EPHA3: variants seen among roughly 807,000 people sequenced by gnomAD.
The protein encoded by EPHA3 is EPH receptor A3.
A neutral mutation model predicts 107.1 loss-of-function variants in EPHA3; 42 were observed. The observed-to-expected ratio is 0.39, with a 90% CI of 0.31 to 0.51. The LOEUF (loss-of-function observed/expected upper bound fraction) is 0.51, where lower values mean the gene tolerates loss of function less well. Ranked by LOEUF, EPHA3 falls within the 20% of genes least tolerant of loss-of-function variation. The pLI, the probability that EPHA3 is intolerant of heterozygous loss-of-function variation, is 0.78. For missense variants in EPHA3, 1,183 were observed against 1,211.2 expected, an observed-to-expected ratio of 0.98 and a Z score of 0.35; for synonymous variants, 461 against 424.8, an observed-to-expected ratio of 1.09 and a Z score of -1.05.
chr3:89,282,793 G>A (rs1705981538), intron 3 of EPHA3, among the ~76,000 whole-genome samples: 1 of 152,008 alleles, frequency 6.6e-6, no homozygotes, highest in South Asian at 2.1e-4. Flanking sequence ...GAAATAAACA[G>A]TCTCCTGCAC....
At chr3:89,423,462 C>T (rs1397239299) in intron 11 of EPHA3, among the ~76,000 whole-genome samples, 1 of 151,296 alleles carries the variant, frequency 6.6e-6, no homozygotes, top group Non-Finnish European at 1.5e-5. Flanking sequence ...CTTAAGTGTA[C>T]TACACTTCAT....
At chr3:89,298,822 CAAATT>C (rs376696707) in intron 3 of EPHA3, among the ~76,000 whole-genome samples, 7 of 151,836 alleles carry the variant, frequency 4.6e-5, no homozygotes, top group African/African-American at 1.4e-4. Context: ...GATTAACTGT[CAAATT>C]AAAGATGGTA....
At chr3:89,246,244 G>A (rs1036182426) in intron 3 of EPHA3, among the ~76,000 whole-genome samples, 1 of 152,080 alleles carries the variant, frequency 6.6e-6, no homozygotes, top group Non-Finnish European at 1.5e-5. Flanking sequence ...ATGGAAACTT[G>A]AAGTTTATAT....
In EPHA3 at chr3:89,174,586, C is replaced by A. The variant is rs183739868; in HGVS notation, c.154-35274C>A. 5.6e-3 allele frequency among the ~76,000 whole-genome samples: 799 copies of A among 142,774 alleles called. 3 individuals are homozygous for A. The highest frequency in any genetic ancestry group is 0.016 in the Middle Eastern group (4 of 246). 93.7% of individuals were successfully genotyped at this position (142,774 alleles called of 152,430 possible). Reference sequence around the variant, plus strand: ...TATTTACCCTATATTCTAGCAAGTTCATCATTTTTTTAAGAATCCCTGTCT... The same window carrying A: ...TATTTACCCTATATTCTAGCAAGTTAATCATTTTTTTAAGAATCCCTGTCT... On this transcript the variant is annotated intron_variant, in intron 2 of 16. Coordinates refer to ENST00000336596, the MANE Select transcript of EPHA3 (RefSeq NM_005233.6).
chr3:89,121,157 A>T lies in EPHA3; in HGVS notation c.89-6052A>T, dbSNP rs371855755. Among the ~76,000 whole-genome samples the T allele has an allele frequency of 2.0e-5, 3 of 152,202 alleles. No homozygotes were observed. In the East Asian group the frequency reaches 5.8e-4, roughly 29 times the overall value. Reference sequence around the variant, plus strand: ...AGGCTGAGGCAGGAGAATGGCGTGAACCTGTTAGGCGGAGCTGGCAGTGGG... The same window carrying T: ...AGGCTGAGGCAGGAGAATGGCGTGATCCTGTTAGGCGGAGCTGGCAGTGGG... On this transcript the variant is annotated intron_variant, in intron 1 of 16. Transcript: ENST00000336596.
intron 3 of EPHA3, among the ~76,000 whole-genome samples, chr3:89,283,440 G>T (rs1705996589): frequency 6.6e-6 from 1 of 152,070 alleles, no homozygotes; most frequent in African/African-American, 2.4e-5. Flanking sequence ...TATAAGGGAA[G>T]AAAAACTGAA....
intron 3 of EPHA3, among the ~76,000 whole-genome samples, chr3:89,276,127 A>G (rs1047484790): frequency 6.6e-6 from 1 of 152,050 alleles, no homozygotes; most frequent in Non-Finnish European, 1.5e-5. Flanking sequence ...GGCATCTTCT[A>G]AAAATGTCCA....
At chr3:89,398,903 G>T (rs1708900561) in intron 6 of EPHA3, among the ~76,000 whole-genome samples, 1 of 152,166 alleles carries the variant, frequency 6.6e-6, no homozygotes, top group Non-Finnish European at 1.5e-5. Context: ...GCCGAGGCAG[G>T]TGGATCTCCT....
At chr3:89,118,836 G>T (rs1002692631) in intron 1 of EPHA3, among the ~76,000 whole-genome samples, 1 of 151,808 alleles carries the variant, frequency 6.6e-6, no homozygotes, top group African/African-American at 2.4e-5. Flanking sequence ...TGGGATAAAT[G>T]AATCTAAAAT....
At chr3:89,387,025 T>A (rs1321513995) in intron 5 of EPHA3, among the ~76,000 whole-genome samples, 1 of 152,204 alleles carries the variant, frequency 6.6e-6, no homozygotes, top group African/African-American at 2.4e-5. Context: ...TACAGGCTCA[T>A]AGGCAGAAAG....
intron 1 of EPHA3, among the ~76,000 whole-genome samples, chr3:89,111,068 A>G (rs1707094482): frequency 1.3e-5 from 2 of 151,986 alleles, no homozygotes. Context: ...ATATTTATAT[A>G]CTACTTTTTT....
Position 89,359,802 on chromosome 3 carries a change from CATATATATACATATATATACAT to C in EPHA3, c.1306+17732_1306+17753del, listed in dbSNP as rs1217940404. Among the ~76,000 whole-genome samples the C allele has an allele frequency of 1.3e-4, 18 of 141,382 alleles. 2 individuals carry two copies. The highest frequency in any genetic ancestry group is 6.6e-4 in the South Asian group (3 of 4,550). The allele number at this position is 141,382 out of a possible 152,430, so 92.8% of individuals were successfully genotyped here. A position where few individuals can be genotyped will look rare whatever the true frequency, so the allele number is the denominator to read the frequency against. ...ATATACATATATATACATATATACACATATATATACATATATATACATATATATATACATATATATATATGCA... is the reference window on the plus strand; with the variant it reads ...ATATACATATATATACATATATACACATATATATACATATATATATATGCA... On this transcript the variant is annotated intron_variant, in intron 5 of 16. Transcript: ENST00000336596.
intron 13 of EPHA3, among the ~76,000 whole-genome samples, chr3:89,433,350 T>C (rs1272815932): frequency 6.6e-6 from 1 of 151,938 alleles, no homozygotes; most frequent in Non-Finnish European, 1.5e-5. Context: ...AGAACTCCAA[T>C]AATCAAAATT....
intron 5 of EPHA3, among the ~76,000 whole-genome samples, chr3:89,383,745 T>G (rs1393173301): frequency 6.9e-6 from 1 of 145,628 alleles, no homozygotes; most frequent in African/African-American, 2.5e-5. Flanking sequence ...ACCTCCCGGG[T>G]TCACGTCATT....
chr3:89,350,032 C>G (rs1413971610), intron 5 of EPHA3, among the ~76,000 whole-genome samples: 1 of 150,520 alleles, frequency 6.6e-6, no homozygotes, highest in Non-Finnish European at 1.5e-5. Context: ...TGACCTTTCT[C>G]TCTGGCTGCC....
intron 5 of EPHA3, among the ~76,000 whole-genome samples, chr3:89,358,278 C>G (rs2107453964): frequency 6.6e-6 from 1 of 151,060 alleles, no homozygotes; most frequent in African/African-American, 2.4e-5. Context: ...GTGCTGGCTG[C>G]TTATTAAGTG....
At chr3:89,432,484 C>T (rs539574192) in intron 13 of EPHA3, among the ~76,000 whole-genome samples, 6 of 152,178 alleles carry the variant, frequency 3.9e-5, no homozygotes, top group Admixed American at 1.3e-4. Flanking sequence ...CTCCTGGCCT[C>T]AAGTGATTCT....
chr3:89,261,372 T>C (rs542431102), intron 3 of EPHA3, among the ~76,000 whole-genome samples: 8 of 152,172 alleles, frequency 5.3e-5, no homozygotes, highest in Non-Finnish European at 1.2e-4. Context: ...CAGCCTTCAG[T>C]TAAAAGTCAT....
At chr3:89,163,050 A>G (rs989346604) in intron 2 of EPHA3, among the ~76,000 whole-genome samples, 19 of 152,186 alleles carry the variant, frequency 1.2e-4, no homozygotes, top group Non-Finnish European at 2.8e-4. Context: ...ATTTACCAGG[A>G]TATTTCATTT....
Sources: gnomAD v4.1 joint callset for allele counts (sites outside exome capture counted in the v4.1 genomes callset) on GRCh38, gnomAD v4.1.1 for gene constraint, MANE v1.5 for transcripts, NCBI Gene and HGNC (gene_info 2026-07-23, HGNC 2026-07-21) for gene names.